The following MIPOL1 variants were observed in gnomAD, a reference collection of about 807,000 sequenced individuals.
MIPOL1 encodes mirror-image polydactyly gene 1 protein.
In MIPOL1, 57 loss-of-function variants were observed where a neutral mutation model predicts 60.9. That is an observed-to-expected ratio of 0.94 (90% confidence interval 0.76 to 1.17). MIPOL1 has a LOEUF of 1.17. Ranked by LOEUF, MIPOL1 falls within the 50% of genes most tolerant of loss-of-function variation. MIPOL1 has a pLI of 0.00. For synonymous variants in MIPOL1, 179 were observed against 168.8 expected, an observed-to-expected ratio of 1.06 and a Z score of -0.47; for missense variants, 551 against 511.6, an observed-to-expected ratio of 1.08 and a Z score of -0.74.
intron 9 of MIPOL1, among the ~76,000 whole-genome samples, chr14:37,352,971 C>G (rs1216272155): frequency 1.4e-5 from 2 of 141,818 alleles, no homozygotes; most frequent in Admixed American, 1.5e-4. Context: ...AGAGGGCATC[C>G]CTGTCTTGTG....
rs141370981 is a variant in MIPOL1 at position 37,489,607 on chromosome 14, G to A, written c.1032-10301G>A. Reference sequence around the variant, plus strand: ...GATTTATCTACTTTTGGTCTTTCATGTTGGTGACCTTCGGATTGGGTCTCT... The same window carrying A: ...GATTTATCTACTTTTGGTCTTTCATATTGGTGACCTTCGGATTGGGTCTCT... On this transcript the variant is annotated intron_variant, in intron 11 of 12. Transcript: ENST00000684589. Among the ~76,000 whole-genome samples, 1,425 of 152,268 alleles carry A rather than the reference G, an allele frequency of 9.4e-3. 10 individuals are homozygous for A. The highest frequency in any genetic ancestry group is 0.017 in the Non-Finnish European group (1,148 of 68,012).
chr14:37,428,970 A>C (rs1024860389), intron 11 of MIPOL1, among the ~76,000 whole-genome samples: 3 of 152,208 alleles, frequency 2.0e-5, no homozygotes, highest in Non-Finnish European at 4.4e-5. Flanking sequence ...CTAACAATAC[A>C]AAGATTTAAA....
At chr14:37,260,240 TA>T (rs754422554) in intron 3 of MIPOL1, among the ~76,000 whole-genome samples, 1,591 of 121,212 alleles carry the variant, frequency 0.013, 11 homozygotes, top group African/African-American at 0.031. Flanking sequence ...AGATCTCATC[TA>T]AAAAAAAAAA....
chr14:37,510,928 C>T (rs546214090), intron 12 of MIPOL1, among the ~76,000 whole-genome samples: 11 of 152,212 alleles, frequency 7.2e-5, no homozygotes, highest in East Asian at 5.8e-4. Flanking sequence ...TTTCACTCTC[C>T]GAGGAGCTGG....
At chr14:37,226,633 G>T (rs1392102285) in intron 1 of MIPOL1, among the ~76,000 whole-genome samples, 1 of 152,132 alleles carries the variant, frequency 6.6e-6, no homozygotes, top group African/African-American at 2.4e-5. Context: ...CTTTTGGGTG[G>T]GGACACAGCA....
chr14:37,312,272 TA>T (rs2087411756), intron 9 of MIPOL1, among the ~76,000 whole-genome samples: 2 of 152,046 alleles, frequency 1.3e-5, no homozygotes, highest in African/African-American at 4.8e-5. Context: ...CACACCTGGC[TA>T]ATTTTTTGTA....
In MIPOL1 at chr14:37,309,102, TTTTATTTATTTATTTA is replaced by T. The variant is rs59311227; in HGVS notation, c.828+608_828+623del. On this transcript the variant is annotated intron_variant, in intron 9 of 12. Coordinates refer to ENST00000684589, the MANE Select transcript of MIPOL1 (RefSeq NM_001388067.1). ...GGGCTTGGAGGCTTGTTTCTTGTTA[TTTTATTTATTTATTTA>T]TTTATTTATTTATTTATTTATTTAG... Among the ~76,000 whole-genome samples, 166 of 142,784 alleles carry T rather than the reference TTTTATTTATTTATTTA, an allele frequency of 1.2e-3. No homozygotes were observed. In the East Asian group the frequency reaches 0.019, roughly 16 times the overall value. 93.7% of individuals were successfully genotyped at this position (142,784 alleles called of 152,430 possible). A position where few individuals can be genotyped will look rare whatever the true frequency, so the allele number is the denominator to read the frequency against.
chr14:37,366,615 G>T (rs2092478583), intron 9 of MIPOL1, among the ~76,000 whole-genome samples: 1 of 151,984 alleles, frequency 6.6e-6, no homozygotes, highest in African/African-American at 2.4e-5. Flanking sequence ...AAAAGAATGT[G>T]CATTCTGCGG....
At chr14:37,497,936 T>C (rs975155000) in intron 11 of MIPOL1, among the ~76,000 whole-genome samples, 2 of 152,116 alleles carry the variant, frequency 1.3e-5, no homozygotes, top group African/African-American at 4.8e-5. Context: ...TTGGAGAAAT[T>C]CTACTTTACA....
intron 10 of MIPOL1, among the ~76,000 whole-genome samples, chr14:37,370,187 TTC>T (rs1235443198): frequency 6.6e-6 from 1 of 152,208 alleles, no homozygotes; most frequent in African/African-American, 2.4e-5. Context: ...TGACAAAAAG[TTC>T]TGTCTCATTG....
chr14:37,448,320 A>C (rs1439617378), intron 11 of MIPOL1, among the ~76,000 whole-genome samples: 1 of 152,090 alleles, frequency 6.6e-6, no homozygotes, highest in Non-Finnish European at 1.5e-5. Context: ...AAGGCAGCAC[A>C]GAATCTGAAG....
chr14:37,544,492 G>T (rs1214436184), intron 12 of MIPOL1, among the ~76,000 whole-genome samples: 5 of 152,164 alleles, frequency 3.3e-5, no homozygotes, highest in Admixed American at 1.3e-4. Flanking sequence ...ATTTAAAGCA[G>T]CTGGAGCCTA....
At chr14:37,215,865 C>A (rs570440677) in intron 1 of MIPOL1, among the ~76,000 whole-genome samples, 1 of 152,110 alleles carries the variant, frequency 6.6e-6, no homozygotes, top group South Asian at 2.1e-4. Context: ...GTCAGGAGTT[C>A]GAGAGCAGCC....
intron 11 of MIPOL1, among the ~76,000 whole-genome samples, chr14:37,466,666 C>A (rs563526157): frequency 4.6e-5 from 7 of 152,060 alleles, no homozygotes; most frequent in Non-Finnish European, 1.0e-4. Flanking sequence ...CTGAAGATGA[C>A]CTGAAAAAAA....
chr14:37,267,434 G>C (rs1003665217), intron 4 of MIPOL1, among the ~76,000 whole-genome samples: 4 of 152,010 alleles, frequency 2.6e-5, no homozygotes, highest in African/African-American at 9.7e-5. Flanking sequence ...GTTGCAGTGA[G>C]CTGAGATTGT....
At chr14:37,538,259 C>G (rs1389417245) in intron 12 of MIPOL1, among the ~76,000 whole-genome samples, 1 of 152,142 alleles carries the variant, frequency 6.6e-6, no homozygotes, top group African/African-American at 2.4e-5. Context: ...CACAAACTGT[C>G]TCATAATAAC....
rs918954439 is a variant in MIPOL1 at position 37,267,546 on chromosome 14, C to T, written c.251+377C>T. ...GAACTTTTTCTCCCTCCCTTCTTCC[C>T]TTTCTTCCTCTTTCCTTCTTTCTTT... On this transcript the variant is annotated intron_variant, in intron 4 of 12. Coordinates refer to ENST00000684589, the MANE Select transcript of MIPOL1 (RefSeq NM_001388067.1). Among the ~76,000 whole-genome samples the T allele has an allele frequency of 5.9e-5, 9 of 151,676 alleles. No homozygotes were observed. The East Asian group carries it at 1.7e-3, about 29-fold the overall frequency.
At chr14:37,375,567 G>A (rs1328266467) in intron 10 of MIPOL1, among the ~76,000 whole-genome samples, 1 of 152,038 alleles carries the variant, frequency 6.6e-6, no homozygotes, top group Non-Finnish European at 1.5e-5. Context: ...TCCATTGAAA[G>A]TGAATCTTCC....
At chr14:37,299,435 A>G (rs904924127) in intron 7 of MIPOL1, among the ~76,000 whole-genome samples, 4 of 140,602 alleles carry the variant, frequency 2.8e-5, no homozygotes, top group African/African-American at 1.1e-4. Flanking sequence ...AACTTAAAGT[A>G]TAATAATAAA....
Sources: gnomAD v4.1 joint callset for allele counts (sites outside exome capture counted in the v4.1 genomes callset) on GRCh38, gnomAD v4.1.1 for gene constraint, MANE v1.5 for transcripts, NCBI Gene and HGNC (gene_info 2026-07-23, HGNC 2026-07-21) for gene names.